PITPNC1: variants seen among roughly 807,000 people sequenced by gnomAD.
PITPNC1 encodes cytoplasmic phosphatidylinositol transfer protein 1.
Under a neutral mutation model 44.7 loss-of-function variants are expected in PITPNC1, and 18 were observed. The observed-to-expected ratio is 0.40, with a 90% CI of 0.28 to 0.60. PITPNC1 has a LOEUF of 0.60. Among genes scored for constraint, PITPNC1 ranks in the 20% least tolerant of loss-of-function variants. The probability of loss-of-function intolerance (pLI) is 0.39; values close to 1 mark genes in which losing one functional copy is unlikely to be tolerated. For missense variants in PITPNC1, 290 were observed against 418.4 expected, an observed-to-expected ratio of 0.69 and a Z score of 2.68; for synonymous variants, 141 against 149.6, an observed-to-expected ratio of 0.94 and a Z score of 0.42.
At chr17:67,669,084 C>T (rs554741388) in intron 6 of PITPNC1, among the ~76,000 whole-genome samples, 1 of 152,124 alleles carries the variant, frequency 6.6e-6, no homozygotes, top group African/African-American at 2.4e-5. Flanking sequence ...ATGTCAACTA[C>T]TAATCTACTT....
At position 67,508,316 on chromosome 17, in the gene PITPNC1, C is replaced by T. The variant is rs559138024; in HGVS notation, c.49-24486C>T. Among the ~76,000 whole-genome samples, 3 of 152,150 alleles carry T rather than the reference C, an allele frequency of 2.0e-5. No homozygotes were observed. Among genetic ancestry groups the T allele is most frequent in the Non-Finnish European group, 4.4e-5 (3 of 68,032 alleles). Reference sequence around the variant, plus strand: ...AGCAGCCTGGAGGGCTGCTGGTTGCCCAGTTTTACGGTTATTTCTTAATGA... The same window carrying T: ...AGCAGCCTGGAGGGCTGCTGGTTGCTCAGTTTTACGGTTATTTCTTAATGA... On this transcript the variant is annotated intron_variant, in intron 1 of 8. Transcript: ENST00000581322. The surrounding 1 kb of genome is among the most constrained non-coding windows in gnomAD (Gnocchi z 4.2).
chr17:67,378,244 C>CCCG lies in PITPNC1; in HGVS notation c.48+47_48+49dup. 5 of 1,355,874 alleles carry CCCG rather than the reference C, an allele frequency of 3.7e-6. No homozygotes were observed. The South Asian group carries it at 7.2e-5, about 20-fold the overall frequency. The allele number at this position is 1,355,874 out of a possible 1,614,324, so 84.0% of individuals were successfully genotyped here. A position where few individuals can be genotyped will look rare whatever the true frequency, so the allele number is the denominator to read the frequency against. On this transcript the variant is annotated intron_variant, in intron 1 of 8. Transcript: ENST00000581322. ...GCCCGGCCTCGCCCGCTCCGGGACCCCCGCCGCTACCGCCGCCTCCTGGCC... is the reference window on the plus strand; with the variant it reads ...GCCCGGCCTCGCCCGCTCCGGGACCCCCGCCGCCGCTACCGCCGCCTCCTGGCC...
intron 1 of PITPNC1, among the ~76,000 whole-genome samples, chr17:67,392,287 T>A (rs1243464970): frequency 6.6e-6 from 1 of 152,314 alleles, no homozygotes; most frequent in South Asian, 2.1e-4. Context: ...TACCCTTCCA[T>A]CCAAGATGGC....
intron 6 of PITPNC1, among the ~76,000 whole-genome samples, chr17:67,642,694 C>A (rs1018146050): frequency 6.6e-6 from 1 of 152,098 alleles, no homozygotes; most frequent in African/African-American, 2.4e-5. Flanking sequence ...CGCTGAAGCA[C>A]CGTGCCTAGT....
chr17:67,526,499 C>T (rs1159261877), intron 1 of PITPNC1, among the ~76,000 whole-genome samples: 1 of 152,084 alleles, frequency 6.6e-6, no homozygotes, highest in African/African-American at 2.4e-5. Context: ...GAGGCTGAGG[C>T]GGGAGGATCA....
At chr17:67,411,938 C>G (rs192789430) in intron 1 of PITPNC1, among the ~76,000 whole-genome samples, 37 of 152,180 alleles carry the variant, frequency 2.4e-4, no homozygotes, top group African/African-American at 8.9e-4. Context: ...TACTCTGGCT[C>G]CAGAGTGCAA....
rs2042600346 is a variant in PITPNC1 at position 67,676,211 on chromosome 17, A to G, written c.682+669A>G. Among the ~76,000 whole-genome samples the G allele has an allele frequency of 6.6e-6, 1 of 151,446 alleles. No homozygotes were observed. The highest frequency in any genetic ancestry group is 6.6e-5 in the Admixed American group (1 of 15,216). On this transcript the variant is annotated intron_variant, in intron 8 of 8. Coordinates refer to ENST00000581322, the MANE Select transcript of PITPNC1 (RefSeq NM_012417.4). The surrounding 1 kb of genome is among the most constrained non-coding windows in gnomAD (Gnocchi z 4.0). The stretch of plus-strand genomic sequence containing the variant: ...GACAGAGCGAGACTCCGTCTCGGAA[A>G]AAAAAAAAAAAGAAAGAAAGAAACT...
At chr17:67,488,909 G>T (rs139531209) in intron 1 of PITPNC1, among the ~76,000 whole-genome samples, 80 of 152,336 alleles carry the variant, frequency 5.3e-4, no homozygotes, top group Middle Eastern at 3.4e-3. Context: ...CTGTGTGGTA[G>T]TGTGTATCAG....
chr17:67,430,567 G>C (rs968047296), intron 1 of PITPNC1, among the ~76,000 whole-genome samples: 3 of 152,030 alleles, frequency 2.0e-5, no homozygotes, highest in Non-Finnish European at 4.4e-5. Context: ...CTAGGAGGCA[G>C]AATGCTCTAG....
At chr17:67,548,361 C>T (rs2570043) in intron 2 of PITPNC1, among the ~76,000 whole-genome samples, 146,006 of 152,302 alleles carry the variant, frequency 0.96, 70,024 homozygotes, top group East Asian at 0.99. Flanking sequence ...GAGGCCAAGG[C>T]GGGTGGATCA....
chr17:67,384,468 C>T (rs548058392), intron 1 of PITPNC1, among the ~76,000 whole-genome samples: 1 of 152,116 alleles, frequency 6.6e-6, no homozygotes, highest in African/African-American at 2.4e-5. Context: ...CTCTTTCGCC[C>T]AGGCCAGAGT....
chr17:67,688,941 G>A (rs912573542), intron 8 of PITPNC1, among the ~76,000 whole-genome samples: 3 of 152,202 alleles, frequency 2.0e-5, no homozygotes, highest in African/African-American at 4.8e-5. Flanking sequence ...GGTGGCTCAC[G>A]CCTGTAATCC....
intron 5 of PITPNC1, among the ~76,000 whole-genome samples, chr17:67,630,439 G>A (rs1339220012): frequency 6.6e-6 from 1 of 152,076 alleles, no homozygotes; most frequent in Non-Finnish European, 1.5e-5. Flanking sequence ...CCACCATGGT[G>A]AAACCCCCAT....
At chr17:67,432,881 A>G (rs1390520352) in intron 1 of PITPNC1, among the ~76,000 whole-genome samples, 1 of 152,218 alleles carries the variant, frequency 6.6e-6, no homozygotes, top group Non-Finnish European at 1.5e-5. Flanking sequence ...TGCCAGATAC[A>G]GCTCTGGACA....
At chr17:67,382,516 T>A (rs2037977954) in intron 1 of PITPNC1, among the ~76,000 whole-genome samples, 1 of 152,200 alleles carries the variant, frequency 6.6e-6, no homozygotes, top group Non-Finnish European at 1.5e-5. Context: ...TGGAAAGGTA[T>A]GAACAGGAAA....
intron 1 of PITPNC1, among the ~76,000 whole-genome samples, chr17:67,431,745 A>G (rs1035524928): frequency 1.3e-5 from 2 of 152,218 alleles, no homozygotes; most frequent in African/African-American, 4.8e-5. Flanking sequence ...AGAGGCATGC[A>G]TAGTTCACAC....
At chr17:67,621,369 G>T (rs2041828269) in intron 5 of PITPNC1, among the ~76,000 whole-genome samples, 2 of 151,906 alleles carry the variant, frequency 1.3e-5, no homozygotes, top group African/African-American at 4.8e-5. Context: ...TGCCACACCT[G>T]GCTAATTTTT....
At chr17:67,422,699 T>C (rs1199597130) in intron 1 of PITPNC1, among the ~76,000 whole-genome samples, 1 of 151,910 alleles carries the variant, frequency 6.6e-6, no homozygotes, top group Non-Finnish European at 1.5e-5. Context: ...ACTACTACAC[T>C]CGGCTAATTT....
chr17:67,605,338 G>A (rs567578389), intron 5 of PITPNC1, among the ~76,000 whole-genome samples: 2 of 152,328 alleles, frequency 1.3e-5, no homozygotes, highest in Admixed American at 1.3e-4. Context: ...AGCTCTGCAA[G>A]TCTTTGTCCT....
Sources: gnomAD v4.1 joint callset for allele counts (sites outside exome capture counted in the v4.1 genomes callset) on GRCh38, gnomAD v4.1.1 for gene constraint, Gnocchi (gnomAD v3.1) non-coding constraint, MANE v1.5 for transcripts, NCBI Gene and HGNC (gene_info 2026-07-23, HGNC 2026-07-21) for gene names.